The following NUTM2E variants were observed in gnomAD, a reference collection of about 807,000 sequenced individuals.
NUTM2E encodes NUT family member 2E.
Under a neutral mutation model 26.1 loss-of-function variants are expected in NUTM2E, and 3 were observed. That is an observed-to-expected ratio of 0.12 (90% CI 0.05 to 0.30). The LOEUF (loss-of-function observed/expected upper bound fraction) is 0.30, where lower values mean the gene tolerates loss of function less well. Ranked by LOEUF, NUTM2E falls within the 10% of genes least tolerant of loss-of-function variation. The pLI is 1.00. For synonymous variants in NUTM2E, 13 were observed against 157.5 expected (o/e 0.08, Z 6.87); for missense variants, 62 against 381.3 (o/e 0.16, Z 6.97).
intron 1 of NUTM2E, among the ~76,000 whole-genome samples, chr10:79,830,086 A>G (rs1313206619): frequency 4.0e-5 from 6 of 151,716 alleles, no homozygotes; most frequent in Non-Finnish European, 7.4e-5. Context: ...CTTTTAGTAA[A>G]TCAAGTTCTC....
chr10:79,837,714 AGTGTGTGTAT>A (rs961030971), intron 1 of NUTM2E, among the ~76,000 whole-genome samples: 19 of 152,040 alleles, frequency 1.2e-4, no homozygotes, highest in Non-Finnish European at 2.6e-4. Flanking sequence ...TTGATTCATC[AGTGTGTGTAT>A]GTGTGTGTGT....
At position 79,840,334 on chromosome 10, in the gene NUTM2E, T is replaced by C. The variant is rs1841991012; in HGVS notation, c.-1407T>C. ...TTGATCTTCTCAGCTAAGATGGAGG[T>C]AGAGTTGCACAGTGGAAGAGGGCTG... is the stretch of plus-strand genomic sequence containing the variant. On this transcript the variant is annotated 5_prime_UTR_variant, in exon 4 of 10. Coordinates refer to ENST00000429984, the MANE Select transcript of NUTM2E (RefSeq NM_001355263.2). Among the ~76,000 whole-genome samples the C allele has an allele frequency of 7.7e-6, 1 of 130,552 alleles. No homozygotes were observed. Among genetic ancestry groups the C allele is most frequent in the Non-Finnish European group, 1.7e-5 (1 of 60,316 alleles). 85.6% of individuals were successfully genotyped at this position (130,552 alleles called of 152,430 possible).
intron 1 of NUTM2E, among the ~76,000 whole-genome samples, chr10:79,835,668 A>G (rs1426958236): frequency 1.3e-5 from 1 of 75,198 alleles, no homozygotes; most frequent in African/African-American, 4.6e-5. Flanking sequence ...GATGCCTCCA[A>G]ATGTGAAAGG....
intron 1 of NUTM2E, among the ~76,000 whole-genome samples, chr10:79,834,478 A>T (rs1006248677): frequency 4.0e-5 from 6 of 151,666 alleles, no homozygotes; most frequent in Non-Finnish European, 8.8e-5. Context: ...AGGCAGGCGG[A>T]TCACCTGAGG....
intron 1 of NUTM2E, among the ~76,000 whole-genome samples, chr10:79,829,275 A>G (rs1451249818): frequency 6.6e-6 from 1 of 151,468 alleles, no homozygotes; most frequent in African/African-American, 2.4e-5. Flanking sequence ...GCTGATGGTA[A>G]AAATAACAAT....
In NUTM2E at chr10:79,840,876, C is replaced by T. The variant is rs1841994547; in HGVS notation, c.-865C>T. Among the ~76,000 whole-genome samples, 1 of 134,462 alleles carries T rather than the reference C, an allele frequency of 7.4e-6. No individual in the cohort carries two copies. Among genetic ancestry groups the T allele is most frequent in the African/African-American group, 2.8e-5 (1 of 36,260 alleles). The allele number at this position is 134,462 out of a possible 152,430, so 88.2% of individuals were successfully genotyped here. On this transcript the variant is annotated 5_prime_UTR_variant, in exon 4 of 10. Transcript: ENST00000429984. ...ATTTTGTTGCTGTGCTCTGAGTTCT[C>T]ACTCCTCATCTCCTTTGACCAGTTT...
intron 1 of NUTM2E, among the ~76,000 whole-genome samples, chr10:79,837,196 G>A (rs4933294): frequency 0.89 from 134,408 of 151,676 alleles, 60,066 homozygotes; most frequent in Non-Finnish European, 0.95. Context: ...TCCTCAGTAT[G>A]TTACATTTAA....
rs984683399 is a variant in NUTM2E at position 79,839,821 on chromosome 10, C to T, written c.-1920C>T. 1.0e-3 allele frequency among the ~76,000 whole-genome samples: 155 copies of T among 150,140 alleles called. No individual in the cohort carries two copies. The highest frequency in any genetic ancestry group is 3.5e-3 in the African/African-American group (142 of 40,462). On this transcript the variant is annotated 5_prime_UTR_variant, in exon 4 of 10. Transcript: ENST00000429984. Reference sequence around the variant, plus strand: ...AGATGTTCTTTCTCAGCTGTCAGTGCGGCCCAGGACTTTCTGTGGGGATGC... The same window carrying T: ...AGATGTTCTTTCTCAGCTGTCAGTGTGGCCCAGGACTTTCTGTGGGGATGC...
intron 1 of NUTM2E, among the ~76,000 whole-genome samples, chr10:79,833,899 G>A (rs1256599743): frequency 4.0e-5 from 6 of 151,754 alleles, no homozygotes; most frequent in African/African-American, 7.3e-5. Flanking sequence ...CTTCTATAAA[G>A]ACATATGCAC....
At chr10:79,829,267 T>C (rs1304408838) in intron 1 of NUTM2E, among the ~76,000 whole-genome samples, 1 of 151,448 alleles carries the variant, frequency 6.6e-6, no homozygotes, top group Non-Finnish European at 1.5e-5. Context: ...GATAGAGAGC[T>C]GATGGTAAAA....
At chr10:79,837,518 G>A (rs538403559) in intron 1 of NUTM2E, among the ~76,000 whole-genome samples, 152 of 152,270 alleles carry the variant, frequency 1.0e-3, no homozygotes, top group Non-Finnish European at 1.9e-3. Context: ...AGGGGAAGCA[G>A]TCATAGAAAC....
At chr10:79,833,611 A>G (rs1263306382) in intron 1 of NUTM2E, among the ~76,000 whole-genome samples, 1 of 151,812 alleles carries the variant, frequency 6.6e-6, no homozygotes, top group Non-Finnish European at 1.5e-5. Flanking sequence ...AAAAAAGCTC[A>G]TCATTACAGA....
chr10:79,842,783 G>A (rs1842004099), intron 4 of NUTM2E, among the ~76,000 whole-genome samples: 1 of 101,428 alleles, frequency 9.9e-6, no homozygotes, highest in South Asian at 2.8e-4. Flanking sequence ...GGAAGTTCAG[G>A]CAACACAGGG....
At chr10:79,846,523 TACTG>T (rs1223553846) in intron 5 of NUTM2E, among the ~76,000 whole-genome samples, 2 of 33,450 alleles carry the variant, frequency 6.0e-5, no homozygotes, top group Non-Finnish European at 1.3e-4. Context: ...TGCCTCCAAA[TACTG>T]ACACACTGGT....
In NUTM2E at chr10:79,845,387, G is replaced by T. The variant is rs1374269506; in HGVS notation, c.1082+515G>T. 1.8e-5 allele frequency among the ~76,000 whole-genome samples: 2 copies of T among 113,116 alleles called. 1 individual carries two copies. Among genetic ancestry groups the T allele is most frequent in the Middle Eastern group, 7.5e-3 (2 of 268 alleles). The allele number at this position is 113,116 out of a possible 152,430, so 74.2% of individuals were successfully genotyped here. On this transcript the variant is annotated intron_variant, in intron 5 of 9. Coordinates refer to ENST00000429984, the MANE Select transcript of NUTM2E (RefSeq NM_001355263.2). ...TGGTCTCGGGCCCTGCACTGGGGCC[G>T]ATGCCGGGCAGGTATTTGCATCTTC... is the stretch of plus-strand genomic sequence containing the variant.
chr10:79,827,366 AATTTT>A lies in NUTM2E; in HGVS notation c.-2728+11_-2728+15del. ...TTGAAAGAAATTTGGGGGTAAATTT[AATTTT>A]AAATACTGATTTTTGATAACATTTG... is the stretch of plus-strand genomic sequence containing the variant. On this transcript the variant is annotated intron_variant, in intron 1 of 9. Transcript: ENST00000429984. 6.6e-6 allele frequency: 1 copy of A among 152,572 alleles called. No individual in the cohort carries two copies. The highest frequency in any genetic ancestry group is 2.4e-5 in the African/African-American group (1 of 41,512). 9.5% of individuals were successfully genotyped at this position (152,572 alleles called of 1,614,324 possible).
intron 1 of NUTM2E, 188 bp downstream of exon 1, chr10:79,827,545 T>TA: frequency 6.9e-6 from 1 of 144,510 alleles, no homozygotes; most frequent in Non-Finnish European, 1.5e-5. Context: ...TTTCTTGTAT[T>TA]AAAATACAGC....
At chr10:79,838,702 G>A (rs1278466672) in intron 2 of NUTM2E, among the ~76,000 whole-genome samples, 78 bp from the exon 3 acceptor site, 3 of 151,890 alleles carry the variant, frequency 2.0e-5, no homozygotes, top group Non-Finnish European at 2.9e-5. Flanking sequence ...ATGTGGGGTC[G>A]CCCCGCGGAC....
intron 1 of NUTM2E, among the ~76,000 whole-genome samples, chr10:79,837,860 C>T (rs1409398443): frequency 6.6e-6 from 1 of 151,916 alleles, no homozygotes; most frequent in East Asian, 1.9e-4. Context: ...AAACTACTCA[C>T]AGCCTTCAAG....
Sources: gnomAD v4.1 joint callset for allele counts (sites outside exome capture counted in the v4.1 genomes callset) on GRCh38, gnomAD v4.1.1 for gene constraint, MANE v1.5 for transcripts, NCBI Gene and HGNC (gene_info 2026-07-23, HGNC 2026-07-21) for gene names.